The following KIF13A variants were observed in gnomAD, a reference collection of about 807,000 sequenced individuals.
The protein encoded by KIF13A is kinesin family member 13A.
KIF13A carries 79 observed loss-of-function variants against 212.2 expected under a neutral mutation model. The observed-to-expected ratio is 0.37, with a 90% CI of 0.31 to 0.45. The LOEUF (loss-of-function observed/expected upper bound fraction) is 0.45. Among genes scored for constraint, KIF13A ranks in the 20% least tolerant of loss-of-function variants. The pLI is 1.00. For synonymous variants in KIF13A, 789 were observed against 808.6 expected, an observed-to-expected ratio of 0.98 and a Z score of 0.41; for missense variants, 1,901 against 2,209.0, an observed-to-expected ratio of 0.86 and a Z score of 2.79.
At chr6:17,983,119 G>A (rs1781234163) in intron 2 of KIF13A, among the ~76,000 whole-genome samples, 1 of 146,020 alleles carries the variant, frequency 6.8e-6, no homozygotes, top group African/African-American at 2.6e-5. Context: ...GTTGCAGTGA[G>A]CCGAGATCAC....
chr6:17,860,598 T>A (rs1255720491), intron 4 of KIF13A, among the ~76,000 whole-genome samples: 1 of 152,158 alleles, frequency 6.6e-6, no homozygotes, highest in East Asian at 1.9e-4. Flanking sequence ...ACTGAATTAT[T>A]CCTGTGTTGA....
chr6:17,795,596 CA>C (rs34962687), intron 23 of KIF13A, among the ~76,000 whole-genome samples: 111 of 132,242 alleles, frequency 8.4e-4, no homozygotes, highest in African/African-American at 9.1e-4. Flanking sequence ...GACTCCATCT[CA>C]AAAAAAAAAA....
Position 17,777,368 on chromosome 6 carries a change from A to G in KIF13A, c.4093-14T>C. ...GACTGTGACGGCCTGTAAACATAAT[A>G]ATTTGAAAATAACACTTTTTTTTTT... is the stretch of plus-strand genomic sequence containing the variant. On this transcript the variant is annotated splice_polypyrimidine_tract_variant and intron_variant, in intron 33 of 38. Transcript: ENST00000259711. The surrounding 1 kb of genome is among the most constrained non-coding windows in gnomAD (Gnocchi z 4.4). 1 of 1,592,008 alleles carries G rather than the reference A, an allele frequency of 6.3e-7. No individual in the cohort carries two copies.
chr6:17,763,923 G>A lies in KIF13A; in HGVS notation c.*187C>T. ...CATGTGCCAGGTAAAAAAATCCACT[G>A]GTCTTATAATTTCACAATTGCGTTC... On this transcript the variant is annotated 3_prime_UTR_variant, in exon 39 of 39. Transcript: ENST00000259711. 2.1e-6 allele frequency: 3 copies of A among 1,429,100 alleles called. No individual in the cohort carries two copies. The South Asian group carries it at 4.6e-5, about 22-fold the overall frequency. 88.5% of individuals were successfully genotyped at this position (1,429,100 alleles called of 1,614,324 possible).
intron 9 of KIF13A, among the ~76,000 whole-genome samples, chr6:17,848,833 C>T (rs1185134529): frequency 2.0e-5 from 3 of 152,126 alleles, no homozygotes; most frequent in African/African-American, 4.8e-5. Flanking sequence ...GTCTTGAACT[C>T]CTTGCCTCAA....
rs1254178585 is a variant in KIF13A at position 17,764,885 on chromosome 6, G to A, written c.4643C>T (p.Pro1548Leu). The A allele has an allele frequency of 7.4e-6, 12 of 1,613,696 alleles. No individual in the cohort carries two copies. Among genetic ancestry groups the A allele is most frequent in the African/African-American group, 1.3e-5 (1 of 74,928 alleles). ...GTCAGCAAACTCCACAGGTACATAAGGCTGTGAACTTATTAGCTTCCTGTT... is the reference window on the plus strand; with the variant it reads ...GTCAGCAAACTCCACAGGTACATAAAGCTGTGAACTTATTAGCTTCCTGTT... ...AINRKLISSQ[P>L]YVPVEFADFS... Residue 1548 changes from proline (P) to leucine (L), a missense_variant, in exon 39 of 39, where the codon CCT (proline) becomes CTT (leucine). Around this residue, in one of 5 missense-constraint regions of KIF13A, gnomAD observed 687 missense variants for 759.1 expected, o/e 0.90. Transcript: ENST00000259711. The surrounding 1 kb of genome is among the most constrained non-coding windows in gnomAD (Gnocchi z 5.1).
chr6:17,938,542 T>C (rs182740588), intron 2 of KIF13A, among the ~76,000 whole-genome samples: 1 of 152,290 alleles, frequency 6.6e-6, no homozygotes, highest in Admixed American at 6.5e-5. Flanking sequence ...TTGGGCTTAT[T>C]ATATTGCGGC....
At chr6:17,985,536 A>G (rs1216448831) in intron 2 of KIF13A, among the ~76,000 whole-genome samples, 1 of 151,040 alleles carries the variant, frequency 6.6e-6, no homozygotes, top group Non-Finnish European at 1.5e-5. Context: ...AGTAACGGCT[A>G]CACAACAGGA....
intron 30 of KIF13A, 54 bp from the exon 31 acceptor site, chr6:17,780,960 C>T (rs1760512961): frequency 6.6e-7 from 1 of 1,509,498 alleles, no homozygotes; most frequent in Non-Finnish European, 9.1e-7. Context: ...TCAGATGTAG[C>T]AGTTTTACAG....
intron 2 of KIF13A, among the ~76,000 whole-genome samples, chr6:17,957,657 T>C (rs1454153127): frequency 6.6e-6 from 1 of 152,170 alleles, no homozygotes; most frequent in African/African-American, 2.4e-5. Context: ...TCTGACACTA[T>C]CTCTGAGTAG....
rs1394368142 is a variant in KIF13A at position 17,971,177 on chromosome 6, C to A, written c.146+15877G>T. On this transcript the variant is annotated intron_variant, in intron 2 of 38. Coordinates refer to ENST00000259711, the MANE Select transcript of KIF13A (RefSeq NM_022113.6). This position sits in a 1 kb window ranked among gnomAD's most constrained non-coding sequence, Gnocchi z 4.2. ...TGAAGGACCCAAGATCCTCAGAACT[C>A]CAATAGCTGATGTACTATTAGACAT... Among the ~76,000 whole-genome samples, 3 of 152,136 alleles carry A rather than the reference C, an allele frequency of 2.0e-5. No homozygotes were observed. Among genetic ancestry groups the A allele is most frequent in the Non-Finnish European group, 4.4e-5 (3 of 68,026 alleles).
Position 17,968,331 on chromosome 6 carries a change from C to T in KIF13A, c.146+18723G>A, listed in dbSNP as rs112515196. 2.4e-3 allele frequency among the ~76,000 whole-genome samples: 369 copies of T among 152,316 alleles called. 1 individual carries two copies. Among genetic ancestry groups the T allele is most frequent in the Non-Finnish European group, 4.0e-3 (270 of 68,022 alleles). ...GGAGGAAGAGGCCCTGGCAATCTAC[C>T]AGTACCTCTCCTTTCTCTCAATTCT... On this transcript the variant is annotated intron_variant, in intron 2 of 38. Transcript: ENST00000259711. This position sits in a 1 kb window ranked among gnomAD's most constrained non-coding sequence, Gnocchi z 4.7.
At position 17,785,157 on chromosome 6, in the gene KIF13A, T is replaced by G; in HGVS notation, c.3488+358A>C. Reference sequence around the variant, plus strand: ...ACATTATCTCTAATTCTCACAATACTACCAAAAAAATAGCTCCACTAATAT... The same window carrying G: ...ACATTATCTCTAATTCTCACAATACGACCAAAAAAATAGCTCCACTAATAT... On this transcript the variant is annotated intron_variant, in intron 28 of 38. Transcript: ENST00000259711. The surrounding 1 kb of genome is among the most constrained non-coding windows in gnomAD (Gnocchi z 5.8). Among the ~76,000 whole-genome samples the G allele has an allele frequency of 6.6e-6, 1 of 152,178 alleles. No individual in the cohort carries two copies. Among genetic ancestry groups the G allele is most frequent in the East Asian group, 1.9e-4 (1 of 5,196 alleles).
intron 2 of KIF13A, among the ~76,000 whole-genome samples, chr6:17,975,539 G>T (rs1257457774): frequency 1.3e-5 from 2 of 151,858 alleles, no homozygotes; most frequent in Admixed American, 6.6e-5. Context: ...TCATTGCAAA[G>T]ACCAAAAGAA....
At chr6:17,974,083 T>C (rs1422428519) in intron 2 of KIF13A, among the ~76,000 whole-genome samples, 1 of 152,178 alleles carries the variant, frequency 6.6e-6, no homozygotes, top group Admixed American at 6.5e-5. Context: ...AACCTGGTTT[T>C]TTATTTTTAT....
chr6:17,973,590 G>A (rs569891421), intron 2 of KIF13A, among the ~76,000 whole-genome samples: 8 of 151,984 alleles, frequency 5.3e-5, no homozygotes, highest in South Asian at 2.1e-4. Context: ...TCAAAGTACC[G>A]TTGGGATAAA....
In KIF13A at chr6:17,915,109, T is replaced by C. The variant is rs1762548038; in HGVS notation, c.147-16929A>G. Reference sequence around the variant, plus strand: ...ATCTATGGTAGCATAAGAGATAATATATTTGACTTTTCTACATTAGGGAGT... The same window carrying C: ...ATCTATGGTAGCATAAGAGATAATACATTTGACTTTTCTACATTAGGGAGT... On this transcript the variant is annotated intron_variant, in intron 2 of 38. Coordinates refer to ENST00000259711, the MANE Select transcript of KIF13A (RefSeq NM_022113.6). The surrounding 1 kb of genome is among the most constrained non-coding windows in gnomAD (Gnocchi z 4.4). Among the ~76,000 whole-genome samples, 3 of 152,346 alleles carry C rather than the reference T, an allele frequency of 2.0e-5. No homozygotes were observed. The South Asian group carries it at 6.2e-4, about 32-fold the overall frequency.
intron 2 of KIF13A, among the ~76,000 whole-genome samples, chr6:17,904,860 A>G (rs1404773468): frequency 6.6e-6 from 1 of 152,260 alleles, no homozygotes; most frequent in Non-Finnish European, 1.5e-5. Flanking sequence ...TACTTTATTA[A>G]TTGTTGGAAA....
intron 20 of KIF13A, 45 bp from the exon 21 acceptor site, chr6:17,800,158 T>C: frequency 6.3e-7 from 1 of 1,584,634 alleles, no homozygotes; most frequent in South Asian, 1.1e-5. Flanking sequence ...AGACATCCTG[T>C]GGGCAACCTC....
Sources: allele counts gnomAD v4.1 joint callset (sites outside exome capture counted in the v4.1 genomes callset), GRCh38; gene constraint gnomAD v4.1.1; regional missense constraint gnomAD v4.1.1; non-coding constraint Gnocchi (gnomAD v3.1); transcripts MANE v1.5; gene names NCBI Gene and HGNC (gene_info 2026-07-23, HGNC 2026-07-21).